Variants in PCDHA5 observed in about 807,000 individuals in gnomAD.
The protein encoded by PCDHA5 is protocadherin alpha 5.
In PCDHA5, 43 loss-of-function variants were observed where a neutral mutation model predicts 61.6. That is an observed-to-expected ratio of 0.70 (90% CI 0.55 to 0.90). The LOEUF (loss-of-function observed/expected upper bound fraction) is 0.90, where lower values mean the gene tolerates loss of function less well. PCDHA5 is among the 40% of genes least tolerant of loss of function. The pLI, the probability that PCDHA5 is intolerant of heterozygous loss-of-function variation, is 0.00. For missense variants in PCDHA5, 1,298 were observed against 1,222.7 expected (o/e 1.06, Z -0.92); for synonymous variants, 627 against 543.9 (o/e 1.15, Z -2.13).
chr5:140,874,444 T>C (rs2054916108), intron 1 of PCDHA5, among the ~76,000 whole-genome samples: 1 of 152,222 alleles, frequency 6.6e-6, no homozygotes, highest in South Asian at 2.1e-4. Context: ...TCCTAACTAC[T>C]AAATGACCTG....
chr5:140,928,989 A>C (rs1554206541), intron 1 of PCDHA5: 2 of 1,613,706 alleles, frequency 1.2e-6, no homozygotes, highest in Non-Finnish European at 1.7e-6. Flanking sequence ...TGGGGTGCTT[A>C]CTTTTCTTCG....
intron 1 of PCDHA5, among the ~76,000 whole-genome samples, chr5:140,973,010 T>C (rs2096567986): frequency 6.6e-6 from 1 of 152,080 alleles, no homozygotes; most frequent in Admixed American, 6.6e-5. Context: ...GGTCGTGGTG[T>C]TGTGATTGTT....
At chr5:141,005,909 T>C (rs1368661717) in intron 3 of PCDHA5, among the ~76,000 whole-genome samples, 1 of 151,946 alleles carries the variant, frequency 6.6e-6, no homozygotes, top group African/African-American at 2.4e-5. Context: ...ATTGCACCAC[T>C]GCACTTCAGC....
At chr5:140,921,428 T>G (rs1291283426) in intron 1 of PCDHA5, among the ~76,000 whole-genome samples, 1 of 152,190 alleles carries the variant, frequency 6.6e-6, no homozygotes, top group Non-Finnish European at 1.5e-5. Context: ...GACAAAAATT[T>G]TCTTCAATGG....
intron 1 of PCDHA5, chr5:140,829,875 G>T (rs2150176769): frequency 1.2e-6 from 2 of 1,613,946 alleles, no homozygotes; most frequent in Non-Finnish European, 1.7e-6. Flanking sequence ...GCGAAGGTGC[G>T]CGCAGTTGAC....
chr5:140,999,019 A>C (rs782524233), intron 3 of PCDHA5, among the ~76,000 whole-genome samples: 1 of 152,208 alleles, frequency 6.6e-6, no homozygotes, highest in Non-Finnish European at 1.5e-5. Context: ...TGAACCCAAG[A>C]CTTTTGATAC....
chr5:140,850,612 C>T (rs1411031639), intron 1 of PCDHA5: 8 of 1,598,454 alleles, frequency 5.0e-6, no homozygotes, highest in Non-Finnish European at 6.8e-6. Context: ...GCCATCTGCG[C>T]GGTGTCTAGC....
intron 1 of PCDHA5, chr5:140,876,915 C>G: frequency 6.2e-7 from 1 of 1,613,966 alleles, no homozygotes; most frequent in East Asian, 2.2e-5. Flanking sequence ...CGGCATGGGA[C>G]GCGGACGCGC....
intron 1 of PCDHA5, chr5:140,884,703 A>C: frequency 1.3e-6 from 2 of 1,495,534 alleles, no homozygotes; most frequent in Non-Finnish European, 1.8e-6. Flanking sequence ...TAAACACTTT[A>C]GCCTTCCTTG....
At chr5:140,969,149 G>T (rs782510891) in intron 1 of PCDHA5, 9 of 1,614,120 alleles carry the variant, frequency 5.6e-6, no homozygotes, top group Admixed American at 1.7e-5. Context: ...CTGCTACAAG[G>T]CCTGTCTGAC....
intron 1 of PCDHA5, among the ~76,000 whole-genome samples, chr5:140,839,879 G>A (rs1448032566): frequency 6.6e-6 from 1 of 151,996 alleles, no homozygotes; most frequent in East Asian, 1.9e-4. Flanking sequence ...AAGATGAATA[G>A]AATTTTGACA....
chr5:140,906,545 T>C (rs1477554651), intron 1 of PCDHA5, among the ~76,000 whole-genome samples: 2 of 152,256 alleles, frequency 1.3e-5, no homozygotes, highest in Admixed American at 6.5e-5. Context: ...TCCTCATTTC[T>C]GCAACTGGTT....
intron 1 of PCDHA5, chr5:140,882,709 T>G (rs782343997): frequency 6.2e-7 from 1 of 1,614,022 alleles, no homozygotes; most frequent in Non-Finnish European, 8.5e-7. Flanking sequence ...AATCTAGACC[T>G]CCGGAAACTC....
rs915355375 is a variant in PCDHA5 at position 140,823,902 on chromosome 5, G to T, written c.2127G>T (p.Leu709=). 3.7e-6 allele frequency: 6 copies of T among 1,614,050 alleles called. No individual in the cohort carries two copies. Among genetic ancestry groups the T allele is most frequent in the Non-Finnish European group, 5.1e-6 (6 of 1,179,960 alleles). The change falls in exon 1 of 4, where the codon CTG becomes CTT. Residue 709 remains leucine (L), a synonymous_variant. Transcript: ENST00000529859. ...TCGCCATCTGTGCGGTGTCCAGCCT[G>T]CTGGTGCTCACGCTGCTGCTGTACA... The part of the protein sequence containing the change: ...LIIAICAVSS[L]LVLTLLLYTA...
chr5:140,875,578 T>C lies in PCDHA5; in HGVS notation c.2352+51451T>C, dbSNP rs534589966. 6 of 1,614,098 alleles carry C rather than the reference T, an allele frequency of 3.7e-6. No homozygotes were observed. Among genetic ancestry groups the C allele is most frequent in the East Asian group, 4.5e-5 (2 of 44,882 alleles). On this transcript the variant is annotated intron_variant, in intron 1 of 3. Coordinates refer to ENST00000529859, the MANE Select transcript of PCDHA5 (RefSeq NM_018908.3). ...GAGCGGCCAGCTCCACTACTCCGTC[T>C]ACGAGGAGGCCAAACACGGCACCTT... is the stretch of plus-strand genomic sequence containing the variant.
At chr5:140,986,524 G>GAACT (rs1403082336) in intron 3 of PCDHA5, among the ~76,000 whole-genome samples, 2 of 152,198 alleles carry the variant, frequency 1.3e-5, no homozygotes, top group Non-Finnish European at 2.9e-5. Flanking sequence ...GCCTGTGAGG[G>GAACT]AACTGGCCTG....
At chr5:140,877,225 G>A in intron 1 of PCDHA5, 1 of 1,613,746 alleles carries the variant, frequency 6.2e-7, no homozygotes. Context: ...ACCGCGGTCG[G>A]TGGGTGCGGG....
intron 1 of PCDHA5, among the ~76,000 whole-genome samples, chr5:140,962,908 C>G (rs2095718284): frequency 1.3e-5 from 2 of 152,146 alleles, no homozygotes. Context: ...AGCTCCTTCC[C>G]TATTTGACAG....
Position 140,828,897 on chromosome 5 carries a change from G to T in PCDHA5, c.2352+4770G>T, listed in dbSNP as rs2150160377. ...GTTATCAGACTGAATGCTTCTGATC[G>T]GGATGAAGGAGCGAATGGGGCAATT... On this transcript the variant is annotated intron_variant, in intron 1 of 3. Coordinates refer to ENST00000529859, the MANE Select transcript of PCDHA5 (RefSeq NM_018908.3). 1.5e-5 allele frequency: 25 copies of T among 1,614,052 alleles called. No homozygotes were observed. In the African/African-American group the frequency reaches 3.1e-4, roughly 20 times the overall value.
Sources: allele counts gnomAD v4.1 joint callset (sites outside exome capture counted in the v4.1 genomes callset), GRCh38; gene constraint gnomAD v4.1.1; transcripts MANE v1.5; gene names NCBI Gene and HGNC (gene_info 2026-07-23, HGNC 2026-07-21).